IHO1: variants seen among roughly 807,000 people sequenced by gnomAD.
The protein encoded by IHO1 is interactor of HORMAD1 1, also known as interactor of HORMAD1 protein 1.
Under a neutral mutation model 31.0 loss-of-function variants are expected in IHO1, and 13 were observed. That is an observed-to-expected ratio of 0.42 (90% CI 0.27 to 0.67). The LOEUF (loss-of-function observed/expected upper bound fraction) is 0.67. Ranked by LOEUF, IHO1 falls within the 30% of genes least tolerant of loss-of-function variation. The probability of loss-of-function intolerance (pLI) is 0.24; values close to 1 mark genes in which losing one functional copy is unlikely to be tolerated. For missense variants in IHO1, 599 were observed against 687.5 expected (o/e 0.87, Z 1.44); for synonymous variants, 221 against 248.4 (o/e 0.89, Z 1.04).
Position 49,256,963 on chromosome 3 carries a change from T to A in IHO1, c.1466T>A (p.Phe489Tyr). 1 of 1,614,228 alleles carries A rather than the reference T, an allele frequency of 6.2e-7. No individual in the cohort carries two copies. ...GCAATTTCTGTCCCTCAAAGCCCCT[T>A]CCTGGGGCAGCAGGAACCCCGTGCT... ...QPAISVPQSP[F>Y]LGQQEPRAQP... The change falls in exon 8 of 8, where the codon TTC (phenylalanine) becomes TAC (tyrosine). Residue 489 changes from phenylalanine to tyrosine, a missense_variant. Transcript: ENST00000452691. The surrounding 1 kb of genome is among the most constrained non-coding windows in gnomAD (Gnocchi z 4.6).
rs371072142 is a variant in IHO1, at chr3:49,256,547, C to T, written c.1050C>T (p.Asp350=). Residue 350 remains aspartate (D), a synonymous_variant, in exon 8 of 8, where the codon GAC becomes GAT. Transcript: ENST00000452691. The surrounding 1 kb of genome is among the most constrained non-coding windows in gnomAD (Gnocchi z 4.6). ...GSHERNRHVK[D]KVVQTNCKNW... is the part of the protein sequence containing the mutation. The stretch of plus-strand genomic sequence containing the variant: ...ATGAAAGAAATAGGCATGTAAAGGA[C>T]AAGGTGGTGCAGACTAACTGCAAGA... 1.2e-4 allele frequency: 194 copies of T among 1,614,142 alleles called. No individual in the cohort carries two copies. In the Admixed American group the frequency reaches 1.4e-3, roughly 12 times the overall value.
At chr3:49,201,153 C>T (rs1329995775) in intron 1 of IHO1, among the ~76,000 whole-genome samples, 1 of 152,018 alleles carries the variant, frequency 6.6e-6, no homozygotes, top group Admixed American at 6.5e-5. Flanking sequence ...GCCACCACAC[C>T]CGGCTAATTT....
rs115685516 is a variant in IHO1, at chr3:49,225,092, G to A, written c.57-11456G>A. 6.5e-3 allele frequency among the ~76,000 whole-genome samples: 988 copies of A among 152,274 alleles called. 8 individuals carry two copies. Among genetic ancestry groups the A allele is most frequent in the African/African-American group, 0.023 (941 of 41,544 alleles). ...CTACTACATCAGTTTCTTTATTTAG[G>A]TATGCCACTGGTTATGGGGTTGTCC... On this transcript the variant is annotated intron_variant, in intron 2 of 7. Transcript: ENST00000452691.
At chr3:49,219,521 C>T (rs540923434) in intron 2 of IHO1, among the ~76,000 whole-genome samples, 3 of 152,254 alleles carry the variant, frequency 2.0e-5, no homozygotes, top group Non-Finnish European at 2.9e-5. Context: ...AAACTCTGTT[C>T]GGGGCTGTCA....
intron 6 of IHO1, 106 bp from the exon 7 acceptor site, chr3:49,255,284 C>G: frequency 1.4e-6 from 1 of 722,744 alleles, no homozygotes; most frequent in South Asian, 2.0e-5. Flanking sequence ...CCACTCCGGT[C>G]TGCATCCAGC....
At chr3:49,214,633 T>TATATATATATATATATA (rs71278651) in intron 2 of IHO1, among the ~76,000 whole-genome samples, 1 of 25,578 alleles carries the variant, frequency 3.9e-5, no homozygotes, top group Non-Finnish European at 6.8e-5. Context: ...TATATATATA[T>TATATATATATATATATA]TTTTTTTTTT....
At chr3:49,200,440 G>GAA (rs2046039726) in intron 1 of IHO1, 7 of 334,696 alleles carry the variant, frequency 2.1e-5, no homozygotes, top group East Asian at 2.1e-4. Context: ...ACTCCAGCCT[G>GAA]GGCGACAGAG....
upstream of IHO1, among the ~76,000 whole-genome samples, chr3:49,194,317 T>TATATATATATATATATA (rs1559432331): frequency 2.1e-5 from 3 of 144,276 alleles, no homozygotes; most frequent in African/African-American, 7.7e-5. Context: ...TATATATATA[T>TATATATATATATATATA]ATTTGAGACG....
At chr3:49,207,449 T>C (rs898761432) in intron 1 of IHO1, among the ~76,000 whole-genome samples, 3 of 151,930 alleles carry the variant, frequency 2.0e-5, no homozygotes, top group African/African-American at 7.2e-5. Context: ...TTTCACCATG[T>C]TGGCCTGGAG....
chr3:49,252,262 G>A (rs1252417975), intron 6 of IHO1: 1 of 156,274 alleles, frequency 6.4e-6, no homozygotes, highest in African/African-American at 2.4e-5. Context: ...ATCCATTAGT[G>A]TTTGTGAATT....
At chr3:49,231,941 T>C (rs1343334615) in intron 2 of IHO1, among the ~76,000 whole-genome samples, 2 of 152,228 alleles carry the variant, frequency 1.3e-5, no homozygotes, top group Admixed American at 1.3e-4. Flanking sequence ...GGAACCTAAT[T>C]CTCTTTGGCA....
At chr3:49,253,294 G>A (rs1323588015) in intron 6 of IHO1, among the ~76,000 whole-genome samples, 1 of 151,860 alleles carries the variant, frequency 6.6e-6, no homozygotes, top group African/African-American at 2.4e-5. Flanking sequence ...GCATGGTGGT[G>A]CATGCCTGTA....
chr3:49,225,567 A>G (rs545410629), intron 2 of IHO1, among the ~76,000 whole-genome samples: 1 of 152,178 alleles, frequency 6.6e-6, no homozygotes, highest in East Asian at 1.9e-4. Flanking sequence ...CTCCACCGGT[A>G]GGGGACAACA....
At chr3:49,240,766 A>T (rs961937333) in intron 3 of IHO1, among the ~76,000 whole-genome samples, 3 of 152,198 alleles carry the variant, frequency 2.0e-5, no homozygotes, top group Admixed American at 6.6e-5. Flanking sequence ...AATGTTTCAG[A>T]ATTTTGCCAA....
At chr3:49,213,191 AAAGGTTCTCC>A (rs1413806546) in intron 2 of IHO1, among the ~76,000 whole-genome samples, 1 of 151,966 alleles carries the variant, frequency 6.6e-6, no homozygotes, top group Non-Finnish European at 1.5e-5. Context: ...AGCTAGACAT[AAAGGTTCTCC>A]AAGTCCCCAC....
At chr3:49,200,453 A>T (rs1270896199) in intron 1 of IHO1, 7 of 417,066 alleles carry the variant, frequency 1.7e-5, no homozygotes, top group Non-Finnish European at 1.8e-5. Flanking sequence ...CGACAGAGTG[A>T]GACTCGGTCT....
At chr3:49,191,705 G>C in the IHO1 span, 1 of 1,590,608 alleles carries the variant, frequency 6.3e-7, no homozygotes, top group Non-Finnish European at 8.5e-7. Context: ...GGTACAACCA[G>C]AGGGCCAGGG....
rs1164734924 is a variant in IHO1, at chr3:49,257,018, C to T, written c.1521C>T (p.Ser507=). The change falls in exon 8 of 8, where the codon AGC becomes AGT. Residue 507 remains serine (S), a synonymous_variant. Transcript: ENST00000452691. ...CTCTGCATCTGCAGTGTCCCAGGAG[C>T]CCCAGAAAACCAGTCTGCCCTATTC... ...AQPLHLQCPR[S]PRKPVCPILG... 1.9e-6 allele frequency: 3 copies of T among 1,614,156 alleles called. No individual in the cohort carries two copies. The highest frequency in any genetic ancestry group is 2.5e-6 in the Non-Finnish European group (3 of 1,179,998).
At chr3:49,254,577 G>T (rs1413857906) in intron 6 of IHO1, among the ~76,000 whole-genome samples, 1 of 151,936 alleles carries the variant, frequency 6.6e-6, no homozygotes, top group Non-Finnish European at 1.5e-5. Context: ...GTTGCGGGGG[G>T]CGGGGGGAAT....
Sources: allele counts gnomAD v4.1 joint callset (sites outside exome capture counted in the v4.1 genomes callset), GRCh38; gene constraint gnomAD v4.1.1; non-coding constraint Gnocchi (gnomAD v3.1); transcripts MANE v1.5; gene names NCBI Gene and HGNC (gene_info 2026-07-23, HGNC 2026-07-21).